The following RPS6KA6 variants were observed in gnomAD, a reference collection of about 807,000 sequenced individuals.
RPS6KA6 encodes ribosomal protein S6 kinase A6.
A neutral mutation model predicts 65.4 loss-of-function variants in RPS6KA6; 27 were observed. The observed-to-expected ratio is 0.41, with a 90% CI of 0.30 to 0.57. The LOEUF is 0.57. RPS6KA6 is among the 20% of genes least tolerant of loss of function. The pLI, the probability that RPS6KA6 is intolerant of heterozygous loss-of-function variation, is 0.24. For synonymous variants in RPS6KA6, 190 were observed against 184.2 expected (o/e 1.03, Z -0.26); for missense variants, 486 against 555.6 (o/e 0.87, Z 1.26).
At chrX:84,091,998 A>G (rs1207291384) in intron 20 of RPS6KA6, among the ~76,000 whole-genome samples, 2 of 110,928 alleles carry the variant, frequency 1.8e-5, no homozygotes, top group Non-Finnish European at 3.8e-5. Flanking sequence ...ACATGGACAC[A>G]GGGAAGGAAA....
chrX:84,085,281 A>G (rs2033893959), intron 20 of RPS6KA6, among the ~76,000 whole-genome samples: 1 of 111,731 alleles, frequency 9.0e-6, no homozygotes, highest in Non-Finnish European at 1.9e-5. Context: ...GCCTGTTTTC[A>G]AGGGGAATTC....
At chrX:84,157,799 T>C (rs972167929) in intron 2 of RPS6KA6, among the ~76,000 whole-genome samples, 2 of 110,879 alleles carry the variant, frequency 1.8e-5, no homozygotes, top group Non-Finnish European at 3.8e-5. Flanking sequence ...GGAAACAAAT[T>C]GTACTATAGT....
At chrX:84,117,566 C>A in intron 9 of RPS6KA6, 112 bp from the exon 10 acceptor site, 1 of 419,350 alleles carries the variant, frequency 2.4e-6, no homozygotes. Context: ...GTAAGATCTA[C>A]ATGATAGTAG....
intron 4 of RPS6KA6, among the ~76,000 whole-genome samples, chrX:84,147,265 A>C (rs2035215614): frequency 8.9e-6 from 1 of 112,147 alleles, no homozygotes; most frequent in Admixed American, 9.5e-5. Flanking sequence ...AAGGTGGCAT[A>C]AACAGGTATG....
intron 20 of RPS6KA6, among the ~76,000 whole-genome samples, chrX:84,086,051 TTCTTCTC>T (rs1389471104): frequency 8.9e-6 from 1 of 111,770 alleles, no homozygotes; most frequent in African/African-American, 3.2e-5. Context: ...GTCTATTTGA[TTCTTCTC>T]TCTTCTGTCT....
chrX:84,108,440 G>A (rs970312725), intron 12 of RPS6KA6, among the ~76,000 whole-genome samples: 2 of 111,733 alleles, frequency 1.8e-5, no homozygotes, highest in Admixed American at 1.9e-4. Context: ...ACTTCAAGTA[G>A]ATTTTCTAAG....
At chrX:84,171,060 T>C (rs1335471734) in intron 1 of RPS6KA6, among the ~76,000 whole-genome samples, 1 of 111,243 alleles carries the variant, frequency 9.0e-6, no homozygotes, top group Non-Finnish European at 1.9e-5. Context: ...GCCAGGGCCC[T>C]CAGTCCTGCA....
chrX:84,135,238 G>C (rs776468995), intron 6 of RPS6KA6, 28 bp from the exon 7 acceptor site: 2 of 992,070 alleles, frequency 2.0e-6, no homozygotes, highest in Non-Finnish European at 2.8e-6. Context: ...TTTATCATTT[G>C]ATCTTTCTTT....
intron 3 of RPS6KA6, among the ~76,000 whole-genome samples, chrX:84,150,862 G>A (rs775119082): frequency 1.0e-5 from 1 of 96,262 alleles, no homozygotes; most frequent in African/African-American, 3.8e-5. Context: ...TATATATAGA[G>A]GATATATATA....
chrX:84,133,671 T>A, intron 8 of RPS6KA6, among the ~76,000 whole-genome samples: 1 of 111,709 alleles, frequency 9.0e-6, no homozygotes, highest in Non-Finnish European at 1.9e-5. Context: ...GTATACTTTA[T>A]TAAGCAAAAA....
intron 20 of RPS6KA6, among the ~76,000 whole-genome samples, chrX:84,071,416 G>C (rs190421928): frequency 1.8e-5 from 2 of 110,986 alleles, no homozygotes; most frequent in Non-Finnish European, 3.8e-5. Context: ...GAAGCACCTT[G>C]CCTAAATAGT....
chrX:84,169,110 T>A (rs1187115247), intron 1 of RPS6KA6, among the ~76,000 whole-genome samples: 1 of 111,896 alleles, frequency 8.9e-6, no homozygotes, highest in African/African-American at 3.2e-5. Context: ...AAGTGCCAAA[T>A]GAGAGGAAAA....
chrX:84,163,702 A>C (rs1231148610), intron 2 of RPS6KA6, among the ~76,000 whole-genome samples: 1 of 110,896 alleles, frequency 9.0e-6, no homozygotes, highest in Non-Finnish European at 1.9e-5. Flanking sequence ...TAGAAATAAC[A>C]ACCATAAAAT....
chrX:84,097,729 A>G (rs775160746), intron 19 of RPS6KA6, 43 bp downstream of exon 19: 1 of 860,808 alleles, frequency 1.2e-6, no homozygotes, highest in East Asian at 3.1e-5. Flanking sequence ...TACAGATGAA[A>G]TTCAAATAAC....
chrX:84,138,452 C>T (rs963228882), intron 6 of RPS6KA6, among the ~76,000 whole-genome samples: 4 of 110,523 alleles, frequency 3.6e-5, no homozygotes, highest in African/African-American at 1.3e-4. Flanking sequence ...ATTCGGGAGG[C>T]GGAGGCATGA....
At chrX:84,110,439 T>C (rs769469106) in intron 12 of RPS6KA6, among the ~76,000 whole-genome samples, 211 of 112,077 alleles carry the variant, frequency 1.9e-3, no homozygotes, top group Non-Finnish European at 3.5e-3. Context: ...AACCTGGCAT[T>C]CCACTGTCCA....
intron 8 of RPS6KA6, among the ~76,000 whole-genome samples, chrX:84,128,495 GA>G (rs1391226287): frequency 7.3e-5 from 8 of 110,273 alleles, no homozygotes; most frequent in African/African-American, 2.6e-4. Flanking sequence ...CACAGAAATA[GA>G]AAAAAAAGTC....
At chrX:84,175,346 A>G (rs1047080733) in intron 1 of RPS6KA6, among the ~76,000 whole-genome samples, 2 of 111,193 alleles carry the variant, frequency 1.8e-5, no homozygotes, top group East Asian at 5.6e-4. Flanking sequence ...ACTTTAAATG[A>G]TCTCTATTAT....
intron 2 of RPS6KA6, among the ~76,000 whole-genome samples, chrX:84,163,600 C>A (rs2035550205): frequency 1.0e-5 from 1 of 95,300 alleles, no homozygotes; most frequent in Non-Finnish European, 2.0e-5. Flanking sequence ...GATTGCGCCA[C>A]TGCAGTCCGC....
Sources: gnomAD v4.1 joint callset for allele counts (sites outside exome capture counted in the v4.1 genomes callset) on GRCh38, gnomAD v4.1.1 for gene constraint, MANE v1.5 for transcripts, NCBI Gene and HGNC (gene_info 2026-07-23, HGNC 2026-07-21) for gene names.